Variants in HECW1 observed in about 807,000 individuals in gnomAD.
The protein encoded by HECW1 is E3 ubiquitin-protein ligase HECW1.
In HECW1, 61 loss-of-function variants were observed where a neutral mutation model predicts 182.3. That is an observed-to-expected ratio of 0.33 (90% CI 0.27 to 0.41). The LOEUF (loss-of-function observed/expected upper bound fraction) is 0.41, where lower values mean the gene tolerates loss of function less well. HECW1 is among the 10% of genes least tolerant of loss of function. The probability of loss-of-function intolerance (pLI) is 1.00; values close to 1 mark genes in which losing one functional copy is unlikely to be tolerated. For missense variants in HECW1, 1,739 were observed against 2,108.9 expected (o/e 0.82, Z 3.44); for synonymous variants, 859 against 832.6 (o/e 1.03, Z -0.55).
intron 15 of HECW1, 75 bp downstream of exon 15, chr7:43,466,643 T>C (rs1367283444): frequency 2.6e-6 from 4 of 1,512,072 alleles, no homozygotes; most frequent in African/African-American, 1.4e-5. Context: ...AGTCATCTGA[T>C]AGATCTAAAA....
intron 2 of HECW1, among the ~76,000 whole-genome samples, chr7:43,171,196 G>T (rs1262894823): frequency 6.6e-6 from 1 of 152,162 alleles, no homozygotes; most frequent in Non-Finnish European, 1.5e-5. Flanking sequence ...GCGGAATGAA[G>T]ATTGTGCCTT....
rs7786509 is a variant in HECW1, at chr7:43,284,026, G to A, written c.28-27737G>A. 7.5e-3 allele frequency among the ~76,000 whole-genome samples: 1,146 copies of A among 152,236 alleles called. 9 individuals are homozygous for A. The highest frequency in any genetic ancestry group is 0.013 in the Non-Finnish European group (905 of 68,016). On this transcript the variant is annotated intron_variant, in intron 3 of 29. Coordinates refer to ENST00000395891, the MANE Select transcript of HECW1 (RefSeq NM_015052.5). The stretch of plus-strand genomic sequence containing the variant: ...CAAGGGAAGTAGAGATGTGGGGATT[G>A]AGTCAGGGGCCTGGGCTAATAATGG...
At position 43,312,045 on chromosome 7, in the gene HECW1, G is replaced by C. The variant is rs1458652237; in HGVS notation, c.310G>C (p.Glu104Gln). Reference sequence around the variant, plus strand: ...CCTGGTCATCCACTGGGACATAAAGGAGGAAGTGGACGCTGGGGACTGGAT... The same window carrying C: ...CCTGGTCATCCACTGGGACATAAAGCAGGAAGTGGACGCTGGGGACTGGAT... ...QDLVIHWDIKEEVDAGDWIGM... is the reference protein window; with the variant it reads ...QDLVIHWDIKQEVDAGDWIGM... The change falls in exon 4 of 30, where the codon GAG (glutamate) becomes CAG (glutamine). Residue 104 changes from glutamate to glutamine, a missense_variant. Glu to Gln is a conservative substitution (Grantham distance 29). Around this residue, in one of 5 missense-constraint regions of HECW1, gnomAD observed 279 missense variants for 353.1 expected, o/e 0.79. Coordinates refer to ENST00000395891, the MANE Select transcript of HECW1 (RefSeq NM_015052.5). 1.2e-6 allele frequency: 2 copies of C among 1,614,146 alleles called. No individual in the cohort carries two copies. The highest frequency in any genetic ancestry group is 1.7e-6 in the Non-Finnish European group (2 of 1,180,056).
At chr7:43,224,920 A>G (rs923429265) in intron 2 of HECW1, among the ~76,000 whole-genome samples, 177 of 152,244 alleles carry the variant, frequency 1.2e-3, no homozygotes, top group Middle Eastern at 6.8e-3. Flanking sequence ...AGAGGCCTGG[A>G]AAAAGGGCAG....
At chr7:43,186,715 G>A (rs1015194688) in intron 2 of HECW1, among the ~76,000 whole-genome samples, 6 of 151,568 alleles carry the variant, frequency 4.0e-5, no homozygotes, top group African/African-American at 1.5e-4. Context: ...ATTTGACTGT[G>A]CCTTTTGTAC....
At chr7:43,116,220 T>G (rs1785036860) in intron 2 of HECW1, among the ~76,000 whole-genome samples, 1 of 152,184 alleles carries the variant, frequency 6.6e-6, no homozygotes, top group South Asian at 2.1e-4. Flanking sequence ...CTGTAGGTTT[T>G]GGTTATTTAT....
intron 8 of HECW1, among the ~76,000 whole-genome samples, chr7:43,434,209 A>G (rs977788170): frequency 6.6e-5 from 10 of 152,264 alleles, no homozygotes; most frequent in African/African-American, 2.4e-4. Context: ...AAACAGCTGT[A>G]TAGGATTAGT....
At chr7:43,360,795 T>A in intron 5 of HECW1, 91 bp from the exon 6 acceptor site, 1 of 917,488 alleles carries the variant, frequency 1.1e-6, no homozygotes, top group East Asian at 2.5e-5. Context: ...GGGAATTATG[T>A]TGCAGTTCTT....
intron 2 of HECW1, among the ~76,000 whole-genome samples, chr7:43,213,940 T>G (rs1042364342): frequency 3.3e-5 from 5 of 152,080 alleles, no homozygotes; most frequent in African/African-American, 1.2e-4. Context: ...CAAATCAGTA[T>G]GTATTTTTTC....
At chr7:43,558,719 A>G (rs1157860841) in intron 29 of HECW1, among the ~76,000 whole-genome samples, 4 of 152,140 alleles carry the variant, frequency 2.6e-5, no homozygotes, top group African/African-American at 9.7e-5. Flanking sequence ...GGACCTACAA[A>G]GGAGGCCTGA....
intron 5 of HECW1, among the ~76,000 whole-genome samples, chr7:43,354,766 C>T (rs1268815029): frequency 6.6e-6 from 1 of 152,068 alleles, no homozygotes; most frequent in Non-Finnish European, 1.5e-5. Context: ...CAGAACACTT[C>T]CCAAAACTTG....
At chr7:43,221,551 T>TG (rs1562694179) in intron 2 of HECW1, among the ~76,000 whole-genome samples, 1 of 36,462 alleles carries the variant, frequency 2.7e-5, no homozygotes, top group African/African-American at 1.1e-4. Flanking sequence ...TTTTTTTTTT[T>TG]TTTTTTTTTT....
chr7:43,254,521 G>A (rs1800361862), intron 3 of HECW1, among the ~76,000 whole-genome samples: 1 of 152,286 alleles, frequency 6.6e-6, no homozygotes, highest in South Asian at 2.1e-4. Flanking sequence ...TTATGTCAAG[G>A]AGTTCAGGAG....
chr7:43,228,081 A>G (rs542121060), intron 2 of HECW1, among the ~76,000 whole-genome samples: 157 of 152,394 alleles, frequency 1.0e-3, no homozygotes, highest in African/African-American at 3.5e-3. Context: ...AGGAGGAACC[A>G]GAAAGAATAG....
intron 5 of HECW1, among the ~76,000 whole-genome samples, chr7:43,341,705 GT>G (rs1470691825): frequency 6.6e-6 from 1 of 151,586 alleles, no homozygotes; most frequent in Non-Finnish European, 1.5e-5. Context: ...TTTAATTTTA[GT>G]TTAGTTTTAG....
chr7:43,519,589 C>G (rs1329312457), intron 24 of HECW1, among the ~76,000 whole-genome samples: 1 of 152,124 alleles, frequency 6.6e-6, no homozygotes, highest in African/African-American at 2.4e-5. Flanking sequence ...CACAAAACAC[C>G]CAGGTGTGTT....
intron 5 of HECW1, among the ~76,000 whole-genome samples, chr7:43,358,005 A>G (rs990800260): frequency 6.6e-6 from 1 of 152,234 alleles, no homozygotes; most frequent in African/African-American, 2.4e-5. Flanking sequence ...ATAGAGTTCA[A>G]TGCAAGATTG....
chr7:43,119,519 C>G (rs1785375341), intron 2 of HECW1, among the ~76,000 whole-genome samples: 1 of 152,210 alleles, frequency 6.6e-6, no homozygotes, highest in African/African-American at 2.4e-5. Context: ...TTCTTCCCTT[C>G]TTACTTAAAT....
In HECW1 at chr7:43,447,591, A is replaced by T. The variant is rs114260198; in HGVS notation, c.2398+2021A>T. ...TGCTGAAGGCCATGCACACGCTGGC[A>T]TGTGACTTCTTCCCAGCCATCCTTC... On this transcript the variant is annotated intron_variant, in intron 11 of 29. Transcript: ENST00000395891. Among the ~76,000 whole-genome samples the T allele has an allele frequency of 9.8e-4, 150 of 152,344 alleles. 1 individual carries two copies. The highest frequency in any genetic ancestry group is 2.9e-3 in the African/African-American group (122 of 41,590).
Sources: allele counts gnomAD v4.1 joint callset (sites outside exome capture counted in the v4.1 genomes callset), GRCh38; gene constraint gnomAD v4.1.1; regional missense constraint gnomAD v4.1.1; transcripts MANE v1.5; gene names NCBI Gene and HGNC (gene_info 2026-07-23, HGNC 2026-07-21).